Variants in PPP4C observed in about 807,000 individuals in gnomAD.
PPP4C encodes the protein serine/threonine-protein phosphatase 4 catalytic subunit.
A neutral mutation model predicts 40.5 loss-of-function variants in PPP4C; 10 were observed. That is an observed-to-expected ratio of 0.25 (90% CI 0.15 to 0.42). The LOEUF is 0.42. Ranked by LOEUF, PPP4C falls within the 10% of genes least tolerant of loss-of-function variation. The pLI is 1.00. For missense variants in PPP4C, 191 were observed against 416.4 expected (o/e 0.46, Z 4.71); for synonymous variants, 187 against 163.6 (o/e 1.14, Z -1.09).
chr16:30,076,872 A>G (rs1167935494), intron 2 of PPP4C, among the ~76,000 whole-genome samples: 2 of 152,192 alleles, frequency 1.3e-5, no homozygotes, highest in East Asian at 3.8e-4. Flanking sequence ...GTGATTTATA[A>G]AAGTCTTCTA....
At chr16:30,080,344 CAAAA>C (rs766436567) in intron 2 of PPP4C, among the ~76,000 whole-genome samples, 6 of 45,320 alleles carry the variant, frequency 1.3e-4, no homozygotes, top group Non-Finnish European at 2.2e-4. Context: ...GACTCTGTCT[CAAAA>C]AAAAAAAAAA....
chr16:30,076,078 C>G lies in PPP4C; in HGVS notation c.-80C>G, dbSNP rs1372165098. On this transcript the variant is annotated 5_prime_UTR_variant, in exon 1 of 9. Transcript: ENST00000279387. The stretch of plus-strand genomic sequence containing the variant: ...GAGGCAGGGAGCCGGAGAGCCGGAA[C>G]CGGAGTCGCAGCGGCGGTAATAGTG... 2.3e-6 allele frequency: 1 copy of G among 443,106 alleles called. No homozygotes were observed. Among genetic ancestry groups the G allele is most frequent in the Non-Finnish European group, 4.0e-6 (1 of 248,250 alleles). The allele number at this position is 443,106 out of a possible 1,614,324, so 27.4% of individuals were successfully genotyped here.
At chr16:30,077,356 C>T (rs1442519084) in intron 2 of PPP4C, among the ~76,000 whole-genome samples, 1 of 152,050 alleles carries the variant, frequency 6.6e-6, no homozygotes, top group African/African-American at 2.4e-5. Context: ...TTGATAATCA[C>T]CAGGTATTCT....
chr16:30,076,855 A>G (rs2072411937), intron 2 of PPP4C, among the ~76,000 whole-genome samples: 1 of 152,242 alleles, frequency 6.6e-6, no homozygotes, highest in Non-Finnish European at 1.5e-5. Flanking sequence ...GGAAAGTTAA[A>G]GACCCTGTGA....
In PPP4C at chr16:30,076,155, G is replaced by C. The variant is rs1197345689; in HGVS notation, c.-64+61G>C. ...AGCGCGGGACCGCGGGGTTCGACGG[G>C]AGTTAGCGGGGGTGCGGCCAGGCCG... On this transcript the variant is annotated intron_variant, in intron 1 of 8. Transcript: ENST00000279387. 3 of 576,424 alleles carry C rather than the reference G, an allele frequency of 5.2e-6. No individual in the cohort carries two copies. In the African/African-American group the frequency reaches 5.8e-5, roughly 11 times the overall value. The allele number at this position is 576,424 out of a possible 1,614,324, so 35.7% of individuals were successfully genotyped here. A position where few individuals can be genotyped will look rare whatever the true frequency, so the allele number is the denominator to read the frequency against.
At position 30,083,366 on chromosome 16, in the gene PPP4C, C is replaced by A; in HGVS notation, c.304-28C>A. Reference sequence around the variant, plus strand: ...GATGTGTGGAGAGACCGTCTAGGCGCCAGCCCTGGCTTGGTGGCCACCCCC... The same window carrying A: ...GATGTGTGGAGAGACCGTCTAGGCGACAGCCCTGGCTTGGTGGCCACCCCC... On this transcript the variant is annotated intron_variant, in intron 5 of 8. Transcript: ENST00000279387. The surrounding 1 kb of genome is among the most constrained non-coding windows in gnomAD (Gnocchi z 6.3). The A allele has an allele frequency of 1.3e-6, 2 of 1,597,790 alleles. No homozygotes were observed. Among genetic ancestry groups the A allele is most frequent in the South Asian group, 2.2e-5 (2 of 90,516 alleles).
Position 30,084,814 on chromosome 16 carries a change from G to A in PPP4C, c.753G>A (p.Glu251=). 1.2e-6 allele frequency: 2 copies of A among 1,614,276 alleles called. No homozygotes were observed. Among genetic ancestry groups the A allele is most frequent in the Non-Finnish European group, 1.7e-6 (2 of 1,180,040 alleles). The change falls in exon 8 of 9, where the codon GAG becomes GAA. Residue 251 remains glutamate (E), a synonymous_variant. Coordinates refer to ENST00000279387, the MANE Select transcript of PPP4C (RefSeq NM_002720.3). ...AAGGTTACAAGTGGCACTTCAATGA[G>A]ACGGTGCTCACTGTGTGGTCGGCAC... ...VMEGYKWHFN[E]TVLTVWSAPN... is the part of the protein sequence containing the mutation.
intron 2 of PPP4C, among the ~76,000 whole-genome samples, chr16:30,079,190 CT>C (rs60305885): frequency 2.5e-3 from 358 of 140,504 alleles, no homozygotes; most frequent in East Asian, 3.3e-3. Flanking sequence ...TTCTTTTTTT[CT>C]TTTTTTTTTT....
Position 30,081,249 on chromosome 16 carries a change from C to T in PPP4C, c.99-10C>T, listed in dbSNP as rs779936458. ...TGGCTGTGGTGACCCTGGTCTTCTC[C>T]TGTCTCCAGAGAGATCTTGGTAGAG... On this transcript the variant is annotated splice_polypyrimidine_tract_variant and intron_variant, in intron 2 of 8. Coordinates refer to ENST00000279387, the MANE Select transcript of PPP4C (RefSeq NM_002720.3). 6.2e-7 allele frequency: 1 copy of T among 1,613,650 alleles called. No homozygotes were observed. The highest frequency in any genetic ancestry group is 8.5e-7 in the Non-Finnish European group (1 of 1,179,808).
At chr16:30,082,343 G>A (rs891931774) in intron 3 of PPP4C, 141 bp from the exon 4 acceptor site, 1 of 808,030 alleles carries the variant, frequency 1.2e-6, no homozygotes, top group Non-Finnish European at 2.1e-6. Context: ...ACTGACTTGG[G>A]GTGGGAGAGG....
Position 30,085,078 on chromosome 16 carries a change from G to GCCCC in PPP4C, c.*18_*21dup. On this transcript the variant is annotated 3_prime_UTR_variant, in exon 9 of 9. Coordinates refer to ENST00000279387, the MANE Select transcript of PPP4C (RefSeq NM_002720.3). ...CTTCCTGTGACCCCGCCCGGCCCCTGCCCCCTCCAACCCTTCTGGCCCTCG... is the reference window on the plus strand; with the variant it reads ...CTTCCTGTGACCCCGCCCGGCCCCTGCCCCCCCCCTCCAACCCTTCTGGCCCTCG... The GCCCC allele has an allele frequency of 6.2e-7, 1 of 1,611,926 alleles. No individual in the cohort carries two copies. The highest frequency in any genetic ancestry group is 1.3e-5 in the African/African-American group (1 of 74,954).
rs1178043790 is a variant in PPP4C, at chr16:30,084,752, A to G, written c.691A>G (p.Ile231Val). 3.1e-6 allele frequency: 5 copies of G among 1,614,224 alleles called. No homozygotes were observed. The highest frequency in any genetic ancestry group is 4.2e-6 in the Non-Finnish European group (5 of 1,180,044). The change falls in exon 8 of 9, where the codon ATT (isoleucine) becomes GTT (valine). Residue 231 changes from isoleucine (I) to valine (V), a missense_variant. By Grantham distance (29) the Ile-to-Val change is conservative (BLOSUM62 3). Coordinates refer to ENST00000279387, the MANE Select transcript of PPP4C (RefSeq NM_002720.3). ...GGCCCAGTTCAACGCAGCCAATGACATTGACATGATCTGCCGTGCCCACCA... is the reference window on the plus strand; with the variant it reads ...GGCCCAGTTCAACGCAGCCAATGACGTTGACATGATCTGCCGTGCCCACCA... Reference protein sequence around the residue: ...VVAQFNAANDIDMICRAHQLV... With the variant: ...VVAQFNAANDVDMICRAHQLV...
chr16:30,083,519 C>T lies in PPP4C; in HGVS notation c.429C>T (p.Cys143=). ...KYGSVTVWRY[C]TEIFDYLSLS... ...GCTCGGTGACTGTGTGGCGCTACTG[C>T]ACTGAGATCTTTGACTACCTCAGCC... Residue 143 remains cysteine, a synonymous_variant, in exon 6 of 9, where the codon TGC becomes TGT. Coordinates refer to ENST00000279387, the MANE Select transcript of PPP4C (RefSeq NM_002720.3). This position sits in a 1 kb window ranked among gnomAD's most constrained non-coding sequence, Gnocchi z 6.3. 1.2e-6 allele frequency: 2 copies of T among 1,614,122 alleles called. No individual in the cohort carries two copies. Among genetic ancestry groups the T allele is most frequent in the Non-Finnish European group, 1.7e-6 (2 of 1,180,024 alleles).
intron 2 of PPP4C, 103 bp from the exon 3 acceptor site, chr16:30,081,156 G>C: frequency 1.3e-6 from 2 of 1,540,738 alleles, no homozygotes; most frequent in Non-Finnish European, 1.8e-6. Context: ...CTGCCCCCTG[G>C]AGCTTCCAGG....
At chr16:30,076,568 G>A in intron 2 of PPP4C, 93 bp downstream of exon 2, 3 of 1,297,560 alleles carry the variant, frequency 2.3e-6, no homozygotes, top group Non-Finnish European at 2.2e-6. Context: ...GGCTTGCCTC[G>A]TTCTGGAAGC....
chr16:30,082,757 C>T lies in PPP4C; in HGVS notation c.213C>T (p.Asp71=), dbSNP rs771289523. ...DLKELFRVGG[D]VPETNYLFMG... is the part of the protein sequence containing the mutation. The stretch of plus-strand genomic sequence containing the variant: ...CTACTTCCCCACAGGTAGGTGGCGA[C>T]GTCCCTGAGACCAACTACCTCTTCA... Residue 71 remains aspartate (D), a synonymous_variant, in exon 5 of 9, where the codon GAC becomes GAT. Transcript: ENST00000279387. The T allele has an allele frequency of 2.0e-5, 32 of 1,613,814 alleles. No individual in the cohort carries two copies. Among genetic ancestry groups the T allele is most frequent in the Non-Finnish European group, 2.6e-5 (31 of 1,179,822 alleles).
chr16:30,082,133 A>G (rs2072521561), intron 3 of PPP4C, among the ~76,000 whole-genome samples: 1 of 152,020 alleles, frequency 6.6e-6, no homozygotes, highest in Non-Finnish European at 1.5e-5. Flanking sequence ...ATTCTTGGCC[A>G]GGGCAGAAGG....
chr16:30,080,197 T>C (rs2072476992), intron 2 of PPP4C, among the ~76,000 whole-genome samples: 1 of 151,594 alleles, frequency 6.6e-6, no homozygotes, highest in Non-Finnish European at 1.5e-5. Context: ...ATACAAAAAT[T>C]AGCTGGGCGT....
chr16:30,078,076 G>T (rs1159851887), intron 2 of PPP4C, among the ~76,000 whole-genome samples: 1 of 152,200 alleles, frequency 6.6e-6, no homozygotes, highest in Non-Finnish European at 1.5e-5. Context: ...ACCTGTTGTT[G>T]CCTGGCACTA....
Sources: gnomAD v4.1 joint callset for allele counts (sites outside exome capture counted in the v4.1 genomes callset) on GRCh38, gnomAD v4.1.1 for gene constraint, Gnocchi (gnomAD v3.1) non-coding constraint, MANE v1.5 for transcripts, NCBI Gene and HGNC (gene_info 2026-07-23, HGNC 2026-07-21) for gene names.